PLCB4: variants seen among roughly 807,000 people sequenced by gnomAD.
The protein encoded by PLCB4 is 1-phosphatidylinositol 4,5-bisphosphate phosphodiesterase beta-4.
PLCB4 carries 77 observed loss-of-function variants against 178.8 expected under a neutral mutation model. That is an observed-to-expected ratio of 0.43 (90% CI 0.36 to 0.52). The LOEUF is 0.52. Ranked by LOEUF, PLCB4 falls within the 20% of genes least tolerant of loss-of-function variation. The pLI is 0.00. For missense variants in PLCB4, 1,024 were observed against 1,453.4 expected, an observed-to-expected ratio of 0.70 and a Z score of 4.80; for synonymous variants, 496 against 490.8, an observed-to-expected ratio of 1.01 and a Z score of -0.14.
At chr20:9,450,658 C>CTTTTTTTTTTTTTTTTTTTTTT (rs60982044) in intron 32 of PLCB4, among the ~76,000 whole-genome samples, 2 of 100,246 alleles carry the variant, frequency 2.0e-5, no homozygotes, top group Non-Finnish European at 4.1e-5. Context: ...CTTTTCTTTT[C>CTTTTTTTTTTTTTTTTTTTTTT]TTTTTTTTTT....
chr20:9,292,953 C>T (rs550842459), intron 3 of PLCB4, among the ~76,000 whole-genome samples: 3 of 152,174 alleles, frequency 2.0e-5, no homozygotes, highest in South Asian at 2.1e-4. Flanking sequence ...GTGGTACACA[C>T]GTGTAATCCC....
intron 19 of PLCB4, among the ~76,000 whole-genome samples, chr20:9,399,997 T>C (rs1396678718): frequency 2.0e-5 from 3 of 152,316 alleles, no homozygotes; most frequent in Non-Finnish European, 4.4e-5. Flanking sequence ...TAGTTCCTCG[T>C]TTATAAGTAA....
At chr20:9,425,642 T>C (rs760545057) in intron 28 of PLCB4, among the ~76,000 whole-genome samples, 5 of 152,260 alleles carry the variant, frequency 3.3e-5, no homozygotes, top group Non-Finnish European at 7.3e-5. Flanking sequence ...ATATTAGTCC[T>C]GCCAGTATTC....
At chr20:9,398,958 A>G (rs912822168) in intron 19 of PLCB4, among the ~76,000 whole-genome samples, 2 of 152,232 alleles carry the variant, frequency 1.3e-5, no homozygotes, top group African/African-American at 4.8e-5. Flanking sequence ...TGCCCTTTCA[A>G]TTCACAGGAA....
intron 2 of PLCB4, among the ~76,000 whole-genome samples, chr20:9,216,701 A>G (rs953746478): frequency 1.3e-5 from 2 of 151,806 alleles, no homozygotes; most frequent in African/African-American, 4.8e-5. Context: ...GGGCTTCACC[A>G]TGTTGGCCAG....
chr20:9,069,762 C>T (rs1174026215), intron 1 of PLCB4, among the ~76,000 whole-genome samples: 1 of 152,124 alleles, frequency 6.6e-6, no homozygotes, highest in Non-Finnish European at 1.5e-5. Flanking sequence ...GTGTAGACTT[C>T]GTATATGGTA....
intron 2 of PLCB4, among the ~76,000 whole-genome samples, chr20:9,138,856 C>G (rs2092434102): frequency 6.6e-6 from 1 of 152,028 alleles, no homozygotes; most frequent in Non-Finnish European, 1.5e-5. Context: ...GTTATAGATG[C>G]AATGAATTTT....
chr20:9,304,884 TTCTA>T (rs1022910015), intron 3 of PLCB4, among the ~76,000 whole-genome samples: 20 of 151,724 alleles, frequency 1.3e-4, no homozygotes, highest in Admixed American at 1.1e-3. Context: ...TTAATTTTAG[TTCTA>T]TCTTTTTTTT....
intron 2 of PLCB4, among the ~76,000 whole-genome samples, chr20:9,192,376 T>A (rs1164578548): frequency 1.3e-5 from 2 of 151,930 alleles, no homozygotes; most frequent in African/African-American, 4.8e-5. Flanking sequence ...TCTTAGGAGG[T>A]CTTTGGCACT....
chr20:9,406,260 G>T (rs1418981958), intron 21 of PLCB4, among the ~76,000 whole-genome samples: 2 of 152,120 alleles, frequency 1.3e-5, no homozygotes, highest in Non-Finnish European at 2.9e-5. Flanking sequence ...TCATCCTGGT[G>T]CTCAGCTCAT....
chr20:9,094,080 A>G (rs960979035), intron 1 of PLCB4, among the ~76,000 whole-genome samples: 2 of 152,158 alleles, frequency 1.3e-5, no homozygotes, highest in African/African-American at 4.8e-5. Flanking sequence ...TTGGCATTAG[A>G]AAGAATTTGT....
At chr20:9,133,115 G>A (rs764401107) in intron 2 of PLCB4, among the ~76,000 whole-genome samples, 24 of 152,078 alleles carry the variant, frequency 1.6e-4, no homozygotes, top group Admixed American at 7.2e-4. Context: ...GCTCATACTT[G>A]TCATGTATGC....
intron 4 of PLCB4, among the ~76,000 whole-genome samples, chr20:9,334,032 G>A (rs2032085599): frequency 6.6e-6 from 1 of 152,092 alleles, no homozygotes; most frequent in Non-Finnish European, 1.5e-5. Flanking sequence ...TTACAAATTT[G>A]AGGGTCATCA....
intron 2 of PLCB4, among the ~76,000 whole-genome samples, chr20:9,198,975 G>A (rs540577368): frequency 2.6e-5 from 4 of 152,144 alleles, no homozygotes; most frequent in African/African-American, 7.2e-5. Flanking sequence ...AAGTTGAGAG[G>A]GATATCACAT....
chr20:9,086,894 T>C (rs1261816466), intron 1 of PLCB4, among the ~76,000 whole-genome samples: 1 of 152,226 alleles, frequency 6.6e-6, no homozygotes, highest in Non-Finnish European at 1.5e-5. Context: ...TCTAGAACTA[T>C]TTCTTTTATA....
chr20:9,409,298 G>A, intron 24 of PLCB4, 117 bp downstream of exon 24: 1 of 701,888 alleles, frequency 1.4e-6, no homozygotes, highest in South Asian at 2.5e-5. Context: ...ATATGGCAAA[G>A]CAATGTGTTA....
chr20:9,127,818 G>A (rs2092162276), intron 2 of PLCB4, among the ~76,000 whole-genome samples: 1 of 152,056 alleles, frequency 6.6e-6, no homozygotes, highest in African/African-American at 2.4e-5. Flanking sequence ...CTGAGTAGCT[G>A]GGATTACAGG....
intron 4 of PLCB4, among the ~76,000 whole-genome samples, chr20:9,323,914 CCTCCT>C (rs1238752123): frequency 6.6e-6 from 1 of 152,172 alleles, no homozygotes; most frequent in Non-Finnish European, 1.5e-5. Flanking sequence ...CTCCCTGCTC[CCTCCT>C]CTCCTCTCTC....
chr20:9,216,366 T>C (rs561919383), intron 2 of PLCB4, among the ~76,000 whole-genome samples: 32 of 151,680 alleles, frequency 2.1e-4, no homozygotes, highest in African/African-American at 5.1e-4. Flanking sequence ...TACAGGCGCC[T>C]GCCACCATGC....
Sources: gnomAD v4.1 joint callset for allele counts (sites outside exome capture counted in the v4.1 genomes callset) on GRCh38, gnomAD v4.1.1 for gene constraint, MANE v1.5 for transcripts, NCBI Gene and HGNC (gene_info 2026-07-23, HGNC 2026-07-21) for gene names.